Variants in HHAT observed in about 807,000 individuals in gnomAD.
HHAT encodes the protein protein-cysteine N-palmitoyltransferase HHAT.
Under a neutral mutation model 70.8 loss-of-function variants are expected in HHAT, and 47 were observed. The ratio of observed to expected loss-of-function variants is 0.66; its 90% CI spans 0.53 to 0.85. HHAT has a LOEUF of 0.85. HHAT is among the 40% of genes least tolerant of loss of function. HHAT has a pLI of 0.00. For missense variants in HHAT, 609 were observed against 604.8 expected, an observed-to-expected ratio of 1.01 and a Z score of -0.07; for synonymous variants, 228 against 247.6, an observed-to-expected ratio of 0.92 and a Z score of 0.74.
chr1:210,591,429 A>G (rs894827859), intron 10 of HHAT, among the ~76,000 whole-genome samples: 1 of 152,058 alleles, frequency 6.6e-6, no homozygotes, highest in Non-Finnish European at 1.5e-5. Flanking sequence ...TATGTACCAC[A>G]TTGTCTTTAT....
intron 9 of HHAT, among the ~76,000 whole-genome samples, chr1:210,573,457 T>G (rs929042358): frequency 6.6e-6 from 1 of 152,172 alleles, no homozygotes; most frequent in African/African-American, 2.4e-5. Flanking sequence ...AGGCCAACTC[T>G]CGTTGGCCTC....
chr1:210,494,896 G>A (rs2094610620), intron 8 of HHAT, among the ~76,000 whole-genome samples: 1 of 152,134 alleles, frequency 6.6e-6, no homozygotes, highest in African/African-American at 2.4e-5. Flanking sequence ...TAAAAAGTAA[G>A]GAGATGTATG....
chr1:210,528,611 A>G (rs775911231), intron 9 of HHAT, among the ~76,000 whole-genome samples: 3 of 152,230 alleles, frequency 2.0e-5, no homozygotes, highest in Non-Finnish European at 4.4e-5. Flanking sequence ...TCACTAGCAA[A>G]TGCATAGTAT....
intron 3 of HHAT, chr1:210,374,100 CT>C (rs1171709509): frequency 6.6e-6 from 1 of 151,486 alleles, no homozygotes; most frequent in Non-Finnish European, 1.5e-5. Flanking sequence ...TCACTTAAGC[CT>C]AAAGTTGCAC....
chr1:210,478,298 A>G (rs1316650277), intron 8 of HHAT, among the ~76,000 whole-genome samples: 4 of 152,316 alleles, frequency 2.6e-5, no homozygotes, highest in African/African-American at 2.4e-5. Flanking sequence ...TCATTTGCCA[A>G]TATTTGCCTT....
At chr1:210,583,404 G>C (rs1341183598) in intron 9 of HHAT, among the ~76,000 whole-genome samples, 1 of 152,196 alleles carries the variant, frequency 6.6e-6, no homozygotes, top group Non-Finnish European at 1.5e-5. Context: ...TGCTGAGAAG[G>C]TGGTGCTGAT....
chr1:210,530,011 G>A (rs559916450), intron 9 of HHAT, among the ~76,000 whole-genome samples: 5 of 152,318 alleles, frequency 3.3e-5, no homozygotes, highest in East Asian at 3.9e-4. Flanking sequence ...ACAGCGACTC[G>A]GTGTTGAAGA....
rs150445691 is a variant in HHAT at position 210,512,195 on chromosome 1, A to C, written c.1008-958A>C. On this transcript the variant is annotated intron_variant, in intron 8 of 11. Coordinates refer to ENST00000261458, the MANE Select transcript of HHAT (RefSeq NM_018194.6). The stretch of plus-strand genomic sequence containing the variant: ...TAGCGCATGGAGTTGCAGCTCTTCA[A>C]ATCCCCTGCTCAGGGCAGACCCAGA... 2.4e-3 allele frequency among the ~76,000 whole-genome samples: 359 copies of C among 152,218 alleles called. 1 individual carries two copies. The highest frequency in any genetic ancestry group is 8.2e-3 in the African/African-American group (342 of 41,532).
intron 9 of HHAT, among the ~76,000 whole-genome samples, chr1:210,564,119 A>ATTTTTT (rs34490631): frequency 1.4e-5 from 2 of 143,020 alleles, no homozygotes; most frequent in Non-Finnish European, 3.0e-5. Flanking sequence ...ATGCCCAACT[A>ATTTTTT]TTTTTTTTTT....
chr1:210,431,726 G>A (rs143286081), intron 7 of HHAT, among the ~76,000 whole-genome samples: 1 of 151,892 alleles, frequency 6.6e-6, no homozygotes, highest in Non-Finnish European at 1.5e-5. Context: ...TTTCTTCCAG[G>A]TTACTATGGG....
chr1:210,634,402 G>A (rs1411345130), intron 11 of HHAT, among the ~76,000 whole-genome samples: 3 of 152,180 alleles, frequency 2.0e-5, no homozygotes, highest in South Asian at 4.1e-4. Context: ...AAGCTGGGTC[G>A]CCTCAGTGAG....
At chr1:210,372,523 C>T (rs1238863839) in intron 3 of HHAT, among the ~76,000 whole-genome samples, 5 of 152,150 alleles carry the variant, frequency 3.3e-5, no homozygotes, top group Admixed American at 6.5e-5. Context: ...CAAGTACAAA[C>T]ATTCATTAGG....
chr1:210,404,527 C>T lies in HHAT; in HGVS notation c.532C>T (p.Leu178=). The T allele has an allele frequency of 6.2e-7, 1 of 1,613,730 alleles. No homozygotes were observed. The highest frequency in any genetic ancestry group is 8.5e-7 in the Non-Finnish European group (1 of 1,179,904). ...LLQFTLTVRC[L]YYTSFSLELC... is the part of the protein sequence containing the mutation. Reference sequence around the variant, plus strand: ...GCAGTTCACGCTGACCGTTCGCTGCCTGTACTACACCAGCTTCAGCCTGGA... The same window carrying T: ...GCAGTTCACGCTGACCGTTCGCTGCTTGTACTACACCAGCTTCAGCCTGGA... Residue 178 remains leucine, a synonymous_variant, in exon 6 of 12, where the codon CTG becomes TTG. Coordinates refer to ENST00000261458, the MANE Select transcript of HHAT (RefSeq NM_018194.6).
rs537247032 is a variant in HHAT at position 210,505,942 on chromosome 1, G to A, written c.1008-7211G>A. Among the ~76,000 whole-genome samples the A allele has an allele frequency of 4.9e-4, 75 of 152,282 alleles. No individual in the cohort carries two copies. In the South Asian group the frequency reaches 7.9e-3, roughly 16 times the overall value. On this transcript the variant is annotated intron_variant, in intron 8 of 11. Coordinates refer to ENST00000261458, the MANE Select transcript of HHAT (RefSeq NM_018194.6). Reference sequence around the variant, plus strand: ...TTCCACCCAGCCGAGATTAGTCTGGGAGGAAGGACAGTACCCCAAAGGGCA... The same window carrying A: ...TTCCACCCAGCCGAGATTAGTCTGGAAGGAAGGACAGTACCCCAAAGGGCA...
intron 9 of HHAT, among the ~76,000 whole-genome samples, chr1:210,580,471 C>G (rs1307425008): frequency 1.3e-5 from 2 of 149,856 alleles, no homozygotes; most frequent in African/African-American, 4.9e-5. Flanking sequence ...ATTGACCTGT[C>G]CTCTAAGTTC....
intron 6 of HHAT, among the ~76,000 whole-genome samples, chr1:210,415,414 T>C (rs2092691554): frequency 6.6e-6 from 1 of 152,186 alleles, no homozygotes; most frequent in South Asian, 2.1e-4. Flanking sequence ...GGGGTCTGCC[T>C]GGGGTCACTA....
chr1:210,457,404 G>A (rs1259942965), intron 7 of HHAT, among the ~76,000 whole-genome samples: 1 of 152,164 alleles, frequency 6.6e-6, no homozygotes, highest in Non-Finnish European at 1.5e-5. Context: ...GCAAAATCTA[G>A]AGTAGGTTTG....
rs995058025 is a variant in HHAT at position 210,599,621 on chromosome 1, C to T, written c.1245+11522C>T. Reference sequence around the variant, plus strand: ...TACATTCTACCTCCTAAGTAGATCTCGAATTTTTTTGTTTGTTTCTATTTC... The same window carrying T: ...TACATTCTACCTCCTAAGTAGATCTTGAATTTTTTTGTTTGTTTCTATTTC... On this transcript the variant is annotated intron_variant, in intron 10 of 11. Coordinates refer to ENST00000261458, the MANE Select transcript of HHAT (RefSeq NM_018194.6). Among the ~76,000 whole-genome samples the T allele has an allele frequency of 1.3e-4, 20 of 152,236 alleles. No individual in the cohort carries two copies. In the South Asian group the frequency reaches 3.1e-3, roughly 24 times the overall value.
chr1:210,377,618 G>T (rs781263772), intron 3 of HHAT, among the ~76,000 whole-genome samples: 2 of 152,208 alleles, frequency 1.3e-5, no homozygotes, highest in African/African-American at 2.4e-5. Flanking sequence ...ACCAGAGGAT[G>T]TTACTGAGTT....
Sources: gnomAD v4.1 joint callset for allele counts (sites outside exome capture counted in the v4.1 genomes callset) on GRCh38, gnomAD v4.1.1 for gene constraint, MANE v1.5 for transcripts, NCBI Gene and HGNC (gene_info 2026-07-23, HGNC 2026-07-21) for gene names.